Variants in LVRN observed in about 807,000 individuals in gnomAD.
The protein encoded by LVRN is aminopeptidase Q.
A neutral mutation model predicts 111.4 loss-of-function variants in LVRN; 99 were observed. That is an observed-to-expected ratio of 0.89 (90% CI 0.76 to 1.05). The LOEUF (loss-of-function observed/expected upper bound fraction) is 1.05. Among genes scored for constraint, LVRN ranks in the 50% least tolerant of loss-of-function variants. The pLI, the probability that LVRN is intolerant of heterozygous loss-of-function variation, is 0.00. For missense variants in LVRN, 1,414 were observed against 1,206.8 expected (o/e 1.17, Z -2.54); for synonymous variants, 488 against 449.5 (o/e 1.09, Z -1.08).
intron 1 of LVRN, chr5:115,974,939 G>A: frequency 2.2e-6 from 1 of 459,970 alleles, no homozygotes; most frequent in Non-Finnish European, 4.4e-6. Context: ...TAGGTCACTT[G>A]ATAAATGATC....
At chr5:116,011,759 C>T (rs1748494067) in intron 14 of LVRN, among the ~76,000 whole-genome samples, 1 of 152,158 alleles carries the variant, frequency 6.6e-6, no homozygotes, top group African/African-American at 2.4e-5. Flanking sequence ...CATCTGATGA[C>T]TTGTTCTGGG....
intron 2 of LVRN, among the ~76,000 whole-genome samples, chr5:115,983,817 G>A (rs2112572237): frequency 6.6e-6 from 1 of 152,224 alleles, no homozygotes; most frequent in African/African-American, 2.4e-5. Context: ...AAAATATCCA[G>A]AGATTTTACA....
chr5:116,014,493 CTT>C lies in LVRN; in HGVS notation c.2419_2420del (p.Phe807ArgfsTer10). The part of the protein sequence containing the change: ...LEDCLQLSKE[L>X]FAKWVDHPEN... ...AGACTGCCTTCAGCTGTCAAAAGAA[CTT>C]TTCGCAAAATGGGTGGATCATCCAG... On this transcript the variant is annotated frameshift_variant, in exon 16 of 20. Coordinates refer to ENST00000357872, the MANE Select transcript of LVRN (RefSeq NM_173800.5). LOFTEE classifies it high-confidence loss of function. 6.2e-7 allele frequency: 1 copy of C among 1,613,488 alleles called. No homozygotes were observed. The highest frequency in any genetic ancestry group is 8.5e-7 in the Non-Finnish European group (1 of 1,179,604).
At chr5:116,006,914 C>A (rs924743731) in intron 13 of LVRN, among the ~76,000 whole-genome samples, 1 of 152,178 alleles carries the variant, frequency 6.6e-6, no homozygotes, top group Non-Finnish European at 1.5e-5. Context: ...CTCTTGCTAT[C>A]AATTTTTCCC....
chr5:115,993,909 G>A, intron 6 of LVRN, 55 bp downstream of exon 6: 2 of 1,032,952 alleles, frequency 1.9e-6, no homozygotes. Context: ...TAAAAGTAAT[G>A]CATATTCATT....
At chr5:115,968,885 A>C (rs1026463333) in intron 1 of LVRN, among the ~76,000 whole-genome samples, 58 of 152,174 alleles carry the variant, frequency 3.8e-4, no homozygotes, top group African/African-American at 1.4e-3. Context: ...CCCATGGAGG[A>C]AAGTTCTGTA....
chr5:116,020,083 A>C (rs1490531537), intron 18 of LVRN: 3 of 152,202 alleles, frequency 2.0e-5, no homozygotes, highest in African/African-American at 7.2e-5. Flanking sequence ...ACATTTTGGA[A>C]TATTTGATTA....
At chr5:116,005,703 T>C in intron 12 of LVRN, 1 of 630,324 alleles carries the variant, frequency 1.6e-6, no homozygotes, top group South Asian at 1.5e-5. Flanking sequence ...TTATGATTGA[T>C]GTCCAGAGGG....
At chr5:115,981,469 G>A (rs1389713921) in intron 1 of LVRN, among the ~76,000 whole-genome samples, 1 of 151,998 alleles carries the variant, frequency 6.6e-6, no homozygotes, top group East Asian at 1.9e-4. Flanking sequence ...ATAATAGTAG[G>A]TGTATATATG....
intron 6 of LVRN, among the ~76,000 whole-genome samples, 159 bp downstream of exon 6, chr5:115,994,013 T>A (rs534013330): frequency 2.0e-5 from 3 of 151,616 alleles, no homozygotes; most frequent in East Asian, 3.9e-4. Context: ...TATTTTTTTT[T>A]AATTCCAGGC....
intron 10 of LVRN, 65 bp downstream of exon 10, chr5:116,001,304 C>A (rs1314556470): frequency 6.4e-7 from 1 of 1,558,544 alleles, no homozygotes; most frequent in Non-Finnish European, 8.8e-7. Context: ...CAATGGAATC[C>A]AGCCTGTGGG....
At position 116,005,945 on chromosome 5, in the gene LVRN, G is replaced by A; in HGVS notation, c.2071G>A (p.Asp691Asn). 6.3e-7 allele frequency: 1 copy of A among 1,593,662 alleles called. No individual in the cohort carries two copies. Among genetic ancestry groups the A allele is most frequent in the Non-Finnish European group, 8.6e-7 (1 of 1,161,594 alleles). ...TGTTATTCACAGACTGCAGTTGATTGATGATGCCTTTTCCTTGTCTAAGTG... is the reference window on the plus strand; with the variant it reads ...TGTTATTCACAGACTGCAGTTGATTAATGATGCCTTTTCCTTGTCTAAGTG... ...IPVIHRLQLI[D>N]DAFSLSKNNY... The change falls in exon 13 of 20, where the codon GAT becomes AAT. Residue 691 changes from aspartate (D) to asparagine (N), a missense_variant. By Grantham distance (23) the Asp-to-Asn change is conservative. Coordinates refer to ENST00000357872, the MANE Select transcript of LVRN (RefSeq NM_173800.5).
chr5:116,011,001 TTC>T, intron 14 of LVRN, 107 bp downstream of exon 14: 1 of 457,038 alleles, frequency 2.2e-6, no homozygotes, highest in East Asian at 4.8e-5. Context: ...ATAGTCTTAG[TTC>T]CATATATATA....
At chr5:116,001,657 C>T (rs1199725181) in intron 10 of LVRN, among the ~76,000 whole-genome samples, 1 of 152,088 alleles carries the variant, frequency 6.6e-6, no homozygotes, top group Non-Finnish European at 1.5e-5. Context: ...TAACTATTTC[C>T]TTGAGGAATA....
Position 115,963,082 on chromosome 5 carries a change from C to A in LVRN, c.465C>A (p.Arg155=). ...LLHSLFQDCE[R]AEVRGPLSPG... is the part of the protein sequence containing the mutation. ...ATAGCCTCTTCCAGGACTGCGAGCG[C>A]GCCGAGGTGCGGGGACCCCTTTCCC... is the stretch of plus-strand genomic sequence containing the variant. The change falls in exon 1 of 20, where the codon CGC becomes CGA. Residue 155 remains arginine (R), a synonymous_variant. Transcript: ENST00000357872. 1 of 1,613,656 alleles carries A rather than the reference C, an allele frequency of 6.2e-7. No homozygotes were observed. The highest frequency in any genetic ancestry group is 8.5e-7 in the Non-Finnish European group (1 of 1,179,970).
intron 18 of LVRN, among the ~76,000 whole-genome samples, chr5:116,016,476 A>T (rs1748604304): frequency 6.6e-6 from 1 of 152,230 alleles, no homozygotes; most frequent in Non-Finnish European, 1.5e-5. Context: ...GAATTTGCTA[A>T]AATGTGACTG....
rs1415430725 is a variant in LVRN, at chr5:116,001,049, G to A, written c.1648-18G>A. 1 of 1,574,720 alleles carries A rather than the reference G, an allele frequency of 6.4e-7. No homozygotes were observed. The highest frequency in any genetic ancestry group is 8.6e-7 in the Non-Finnish European group (1 of 1,166,862). On this transcript the variant is annotated intron_variant, in intron 9 of 19. Coordinates refer to ENST00000357872, the MANE Select transcript of LVRN (RefSeq NM_173800.5). ...CACGGATAACCTTACCTGCCTTTGTGGTGATTTTTTAAAACAGGCCATAGA... is the reference window on the plus strand; with the variant it reads ...CACGGATAACCTTACCTGCCTTTGTAGTGATTTTTTAAAACAGGCCATAGA...
intron 1 of LVRN, among the ~76,000 whole-genome samples, chr5:115,979,973 AC>A (rs1480542152): frequency 2.0e-5 from 3 of 152,256 alleles, no homozygotes; most frequent in Non-Finnish European, 1.5e-5. Flanking sequence ...GTGGTTCTTG[AC>A]CACAAAGAAA....
chr5:116,013,664 T>C (rs553657438), intron 15 of LVRN, among the ~76,000 whole-genome samples: 1 of 152,132 alleles, frequency 6.6e-6, no homozygotes, highest in East Asian at 1.9e-4. Context: ...CCAGGCTGGG[T>C]TGAAACTGGA....
Sources: gnomAD v4.1 joint callset for allele counts (sites outside exome capture counted in the v4.1 genomes callset) on GRCh38, gnomAD v4.1.1 for gene constraint, MANE v1.5 for transcripts, NCBI Gene and HGNC (gene_info 2026-07-23, HGNC 2026-07-21) for gene names.